GFI1B: variants seen among roughly 807,000 people sequenced by gnomAD.
GFI1B encodes the protein zinc finger protein Gfi-1b.
Under a neutral mutation model 35.3 loss-of-function variants are expected in GFI1B, and 20 were observed. The observed-to-expected ratio is 0.57, with a 90% CI of 0.40 to 0.82. The LOEUF is 0.82. Among genes scored for constraint, GFI1B ranks in the 40% least tolerant of loss-of-function variants. The pLI, the probability that GFI1B is intolerant of heterozygous loss-of-function variation, is 0.00. For missense variants in GFI1B, 430 were observed against 446.3 expected (o/e 0.96, Z 0.33); for synonymous variants, 178 against 177.6 (o/e 1.00, Z -0.02).
In GFI1B at chr9:132,989,022, G is replaced by A. The variant is rs748424374; in HGVS notation, c.511-39G>A. 12 of 1,607,600 alleles carry A rather than the reference G, an allele frequency of 7.5e-6. No homozygotes were observed. The highest frequency in any genetic ancestry group is 5.5e-5 in the South Asian group (5 of 90,846). ...GGACCCCAGGCCTGTCCCTGTCACC[G>A]CAGCCCCCAGTGGCCTCACATGCTG... On this transcript the variant is annotated intron_variant, in intron 4 of 6. Transcript: ENST00000372122. This position sits in a 1 kb window ranked among gnomAD's most constrained non-coding sequence, Gnocchi z 6.2.
Position 132,989,912 on chromosome 9 carries a change from G to C in GFI1B, c.814+5G>C, listed in dbSNP as rs776841660. The stretch of plus-strand genomic sequence containing the variant: ...AGCACACCTACATCCACACAGGTGA[G>C]TGAGTCTCACCTGCCTGTGCCCCCT... On this transcript the variant is annotated splice_donor_5th_base_variant and intron_variant, in intron 6 of 6. Coordinates refer to ENST00000372122, the MANE Select transcript of GFI1B (RefSeq NM_001377304.1). The surrounding 1 kb of genome is among the most constrained non-coding windows in gnomAD (Gnocchi z 6.2). 1 of 1,613,802 alleles carries C rather than the reference G, an allele frequency of 6.2e-7. No homozygotes were observed. The highest frequency in any genetic ancestry group is 1.1e-5 in the South Asian group (1 of 91,070).
At chr9:132,981,128 C>T (rs190731676) in intron 1 of GFI1B, among the ~76,000 whole-genome samples, 1 of 152,294 alleles carries the variant, frequency 6.6e-6, no homozygotes, top group East Asian at 1.9e-4. Flanking sequence ...AACTCCTGAC[C>T]TCAGGTGATC....
chr9:132,984,512 G>A (rs933382442), intron 1 of GFI1B, among the ~76,000 whole-genome samples: 2 of 152,188 alleles, frequency 1.3e-5, no homozygotes, highest in African/African-American at 2.4e-5. Flanking sequence ...CCTTGAGCGC[G>A]GCCCTGGCTT....
At chr9:132,955,002 C>G (rs1431706981) in intron 1 of GFI1B, among the ~76,000 whole-genome samples, 3 of 152,164 alleles carry the variant, frequency 2.0e-5, no homozygotes, top group Non-Finnish European at 2.9e-5. Flanking sequence ...TAGGCATCAG[C>G]CACTGTACCT....
At position 132,991,154 on chromosome 9, in the gene GFI1B, A is replaced by C; in HGVS notation, c.*104A>C. On this transcript the variant is annotated 3_prime_UTR_variant, in exon 7 of 7. Transcript: ENST00000372122. The stretch of plus-strand genomic sequence containing the variant: ...TCCAGTCTCCTGGAGGTGGGACTGG[A>C]CAGGAGTCTACCAGCTTGTTTTGAG... The C allele has an allele frequency of 9.8e-7, 1 of 1,023,002 alleles. No homozygotes were observed. The highest frequency in any genetic ancestry group is 1.5e-6 in the Non-Finnish European group (1 of 672,412). The allele number at this position is 1,023,002 out of a possible 1,614,324, so 63.4% of individuals were successfully genotyped here.
At chr9:132,945,677 T>A (rs1368794428) in intron 1 of GFI1B, 2 of 154,028 alleles carry the variant, frequency 1.3e-5, no homozygotes, top group African/African-American at 4.8e-5. Context: ...CAGGTTGGGT[T>A]TTAAAGGAAA....
chr9:132,980,821 C>A (rs1366312246), intron 1 of GFI1B, among the ~76,000 whole-genome samples: 2 of 152,228 alleles, frequency 1.3e-5, no homozygotes, highest in South Asian at 4.1e-4. Context: ...TCAGGTTCAT[C>A]CATGTTGTAG....
At chr9:132,959,416 C>T (rs1848332749) in intron 1 of GFI1B, among the ~76,000 whole-genome samples, 1 of 152,210 alleles carries the variant, frequency 6.6e-6, no homozygotes, top group Non-Finnish European at 1.5e-5. Flanking sequence ...AATTAAACTG[C>T]TTTCCTTTAT....
chr9:132,964,843 G>A (rs141844146), intron 1 of GFI1B, among the ~76,000 whole-genome samples: 131 of 146,786 alleles, frequency 8.9e-4, no homozygotes, highest in African/African-American at 1.4e-3. Context: ...GGTTTCAAGC[G>A]AGTCTCCGGC....
chr9:132,991,122 C>T lies in GFI1B; in HGVS notation c.*72C>T. On this transcript the variant is annotated 3_prime_UTR_variant, in exon 7 of 7. Coordinates refer to ENST00000372122, the MANE Select transcript of GFI1B (RefSeq NM_001377304.1). ...TCACCTGGAGGCCAGCCTCACATGC[C>T]CAAATCTCCAGTCTCCTGGAGGTGG... 1.5e-6 allele frequency: 2 copies of T among 1,356,212 alleles called. No individual in the cohort carries two copies. The highest frequency in any genetic ancestry group is 2.1e-6 in the Non-Finnish European group (2 of 959,518). 84.0% of individuals were successfully genotyped at this position (1,356,212 alleles called of 1,614,324 possible).
chr9:132,966,139 G>A (rs889070818), intron 1 of GFI1B, among the ~76,000 whole-genome samples: 1 of 152,162 alleles, frequency 6.6e-6, no homozygotes, highest in African/African-American at 2.4e-5. Flanking sequence ...CAGGAGAACC[G>A]CTGGTGTTCA....
At chr9:132,972,892 G>C (rs1423561277) in intron 2 of GFI1B, 1 of 152,238 alleles carries the variant, frequency 6.6e-6, no homozygotes, top group African/African-American at 2.4e-5. Context: ...CACGTCGACT[G>C]CCTGCAGCCC....
chr9:132,954,565 A>T (rs1169768036), intron 1 of GFI1B, among the ~76,000 whole-genome samples: 1 of 144,878 alleles, frequency 6.9e-6, no homozygotes, highest in African/African-American at 2.5e-5. Context: ...GCAGAGTAAG[A>T]CTCTGTCTCA....
At chr9:132,949,268 T>TACACACACACACACACAC (rs36015720) in intron 1 of GFI1B, among the ~76,000 whole-genome samples, 1 of 137,588 alleles carries the variant, frequency 7.3e-6, no homozygotes, top group Non-Finnish European at 1.6e-5. Flanking sequence ...AACCCACAGA[T>TACACACACACACACACAC]ACACACACAC....
intron 1 of GFI1B, among the ~76,000 whole-genome samples, chr9:132,984,394 C>T (rs933498361): frequency 2.6e-5 from 4 of 152,164 alleles, no homozygotes; most frequent in Admixed American, 2.0e-4. Flanking sequence ...CCGTGGGCTG[C>T]CCCCGGCCCG....
chr9:132,959,360 A>G (rs1848331990), intron 1 of GFI1B, among the ~76,000 whole-genome samples: 1 of 152,078 alleles, frequency 6.6e-6, no homozygotes, highest in Non-Finnish European at 1.5e-5. Flanking sequence ...TCCTGCCATG[A>G]TTGTAAGTTT....
At chr9:132,951,724 T>C (rs1206032300) in intron 1 of GFI1B, 2 of 152,152 alleles carry the variant, frequency 1.3e-5, no homozygotes, top group Non-Finnish European at 2.9e-5. Flanking sequence ...TGTGGGACAT[T>C]TATCTGAGTT....
intron 1 of GFI1B, among the ~76,000 whole-genome samples, chr9:132,986,328 A>G (rs1849059174): frequency 6.6e-6 from 1 of 151,856 alleles, no homozygotes; most frequent in Non-Finnish European, 1.5e-5. Flanking sequence ...GGCTGATAGA[A>G]GTGTCACTCT....
intron 1 of GFI1B, among the ~76,000 whole-genome samples, chr9:132,958,920 C>T (rs1450602027): frequency 2.6e-5 from 4 of 152,170 alleles, no homozygotes; most frequent in East Asian, 1.9e-4. Flanking sequence ...CTGGCCATGG[C>T]AGCTGAGGGT....
Sources: gnomAD v4.1 joint callset for allele counts (sites outside exome capture counted in the v4.1 genomes callset) on GRCh38, gnomAD v4.1.1 for gene constraint, Gnocchi (gnomAD v3.1) non-coding constraint, MANE v1.5 for transcripts, NCBI Gene and HGNC (gene_info 2026-07-23, HGNC 2026-07-21) for gene names.